LRRC4C: variants seen among roughly 807,000 people sequenced by gnomAD.
The protein encoded by LRRC4C is leucine rich repeat containing 4C, also known as leucine-rich repeat-containing protein 4C.
A neutral mutation model predicts 33.6 loss-of-function variants in LRRC4C; 5 were observed. The ratio of observed to expected loss-of-function variants is 0.15; its 90% confidence interval spans 0.08 to 0.31. The LOEUF is 0.31. Ranked by LOEUF, LRRC4C falls within the 10% of genes least tolerant of loss-of-function variation. LRRC4C has a pLI of 1.00. For missense variants in LRRC4C, 560 were observed against 796.7 expected (o/e 0.70, Z 3.58); for synonymous variants, 329 against 302.0 (o/e 1.09, Z -0.93).
intron 2 of LRRC4C, among the ~76,000 whole-genome samples, chr11:40,795,387 A>G (rs1199763569): frequency 6.6e-6 from 1 of 151,980 alleles, no homozygotes; most frequent in African/African-American, 2.4e-5. Context: ...AAAATTAGCC[A>G]GGCGTGGTGG....
At chr11:40,786,114 G>A (rs761705159) in intron 2 of LRRC4C, among the ~76,000 whole-genome samples, 2 of 152,292 alleles carry the variant, frequency 1.3e-5, no homozygotes, top group Non-Finnish European at 2.9e-5. Context: ...AGCTCTGGAA[G>A]CTTCTATGCT....
chr11:40,911,958 CAAATGAATG>C (rs1956718232), intron 2 of LRRC4C, among the ~76,000 whole-genome samples: 1 of 151,920 alleles, frequency 6.6e-6, no homozygotes, highest in Admixed American at 6.6e-5. Context: ...GATGGAAGAT[CAAATGAATG>C]AAATGAAGTG....
At chr11:40,403,266 G>A (rs1949831105) in intron 3 of LRRC4C, among the ~76,000 whole-genome samples, 1 of 152,120 alleles carries the variant, frequency 6.6e-6, no homozygotes, top group African/African-American at 2.4e-5. Context: ...TGGCCCCACA[G>A]CAACTGATAT....
intron 3 of LRRC4C, among the ~76,000 whole-genome samples, chr11:40,546,070 CTT>C (rs1565492007): frequency 7.8e-6 from 1 of 128,958 alleles, no homozygotes; most frequent in Non-Finnish European, 1.6e-5. Context: ...TCCTTCCTTC[CTT>C]CCTTCCTTCC....
chr11:41,096,102 C>A (rs1323110510), intron 1 of LRRC4C, among the ~76,000 whole-genome samples: 1 of 152,088 alleles, frequency 6.6e-6, no homozygotes, highest in Non-Finnish European at 1.5e-5. Flanking sequence ...TGATGGAATT[C>A]ATGTTCTAGA....
At chr11:40,371,746 G>T (rs1211233102) in intron 3 of LRRC4C, among the ~76,000 whole-genome samples, 1 of 152,162 alleles carries the variant, frequency 6.6e-6, no homozygotes. Flanking sequence ...TATAATAAGT[G>T]CTAGGATAGA....
At chr11:41,075,050 T>TAATG in intron 1 of LRRC4C, among the ~76,000 whole-genome samples, 2 of 42,628 alleles carry the variant, frequency 4.7e-5, no homozygotes, top group Admixed American at 3.4e-4. Context: ...TTTAATGTTT[T>TAATG]TTTTTTTTTT....
chr11:41,101,405 T>C lies in LRRC4C; in HGVS notation c.-495-167682A>G, dbSNP rs1444511537. 2.6e-5 allele frequency among the ~76,000 whole-genome samples: 4 copies of C among 152,100 alleles called. No individual in the cohort carries two copies. The South Asian group carries it at 6.2e-4, about 24-fold the overall frequency. ...AACAAGCGTATGAAAAAAAGCTCAG[T>C]ATCACTGATCATCAGAGAAAGGCAA... On this transcript the variant is annotated intron_variant, in intron 1 of 6. Coordinates refer to ENST00000528697, the MANE Select transcript of LRRC4C (RefSeq NM_001258419.2).
At chr11:40,548,620 G>C (rs986568858) in intron 3 of LRRC4C, among the ~76,000 whole-genome samples, 1 of 152,078 alleles carries the variant, frequency 6.6e-6, no homozygotes, top group East Asian at 1.9e-4. Context: ...CTAGGAAGTG[G>C]TTACAGGCAC....
chr11:40,480,629 T>A (rs1253242167), intron 3 of LRRC4C, among the ~76,000 whole-genome samples: 1 of 151,660 alleles, frequency 6.6e-6, no homozygotes, highest in Admixed American at 6.6e-5. Context: ...AAAATAAACA[T>A]CAAAAAAGAA....
chr11:40,318,093 A>G (rs544599180), intron 4 of LRRC4C, among the ~76,000 whole-genome samples: 2 of 152,282 alleles, frequency 1.3e-5, no homozygotes, highest in South Asian at 2.1e-4. Flanking sequence ...ATAATAATCA[A>G]TTTCCAAACA....
chr11:41,036,013 G>A lies in LRRC4C; in HGVS notation c.-495-102290C>T, dbSNP rs188960422. 3.1e-3 allele frequency among the ~76,000 whole-genome samples: 465 copies of A among 151,960 alleles called. 5 individuals are homozygous for A. The highest frequency in any genetic ancestry group is 2.4e-3 in the Non-Finnish European group (166 of 67,956). On this transcript the variant is annotated intron_variant, in intron 1 of 6. Transcript: ENST00000528697. ...GAAATGTAACTATACAAACTCCTTGGAATTTACGTTTAGGAGAAATTGGCT... is the reference window on the plus strand; with the variant it reads ...GAAATGTAACTATACAAACTCCTTGAAATTTACGTTTAGGAGAAATTGGCT...
At chr11:40,254,902 G>C (rs1011141405) in intron 4 of LRRC4C, among the ~76,000 whole-genome samples, 2 of 152,126 alleles carry the variant, frequency 1.3e-5, no homozygotes, top group African/African-American at 4.8e-5. Flanking sequence ...TAGAACTCCT[G>C]GGCTCAAGCA....
chr11:41,085,739 A>G (rs1167430131), intron 1 of LRRC4C, among the ~76,000 whole-genome samples: 1 of 152,078 alleles, frequency 6.6e-6, no homozygotes, highest in Admixed American at 6.6e-5. Context: ...TATCAGTTCA[A>G]GAGATTGTAA....
intron 5 of LRRC4C, among the ~76,000 whole-genome samples, chr11:40,173,489 A>G (rs1246461831): frequency 6.6e-6 from 1 of 152,246 alleles, no homozygotes; most frequent in Non-Finnish European, 1.5e-5. Context: ...AGCTTAAAAG[A>G]TAATGAACAC....
At chr11:40,364,931 C>A (rs1349847585) in intron 3 of LRRC4C, among the ~76,000 whole-genome samples, 1 of 151,008 alleles carries the variant, frequency 6.6e-6, no homozygotes, top group East Asian at 1.9e-4. Flanking sequence ...TAAAAAAAAA[C>A]CTGTTAACCT....
intron 4 of LRRC4C, among the ~76,000 whole-genome samples, chr11:40,312,176 GC>G (rs1555015136): frequency 6.6e-6 from 1 of 152,064 alleles, no homozygotes; most frequent in Non-Finnish European, 1.5e-5. Context: ...CTTCTGAGTT[GC>G]GTGAAACTCT....
chr11:41,395,312 C>A (rs1953765234), intron 1 of LRRC4C, among the ~76,000 whole-genome samples: 1 of 151,880 alleles, frequency 6.6e-6, no homozygotes, highest in Admixed American at 6.6e-5. Context: ...CAAATTTGAG[C>A]AATAAGCTCT....
At chr11:40,133,766 A>G (rs2134853551) in intron 6 of LRRC4C, among the ~76,000 whole-genome samples, 1 of 152,296 alleles carries the variant, frequency 6.6e-6, no homozygotes, top group Non-Finnish European at 1.5e-5. Context: ...TTGAGCAATC[A>G]GTGAAAGGTA....
Sources: allele counts gnomAD v4.1 joint callset (sites outside exome capture counted in the v4.1 genomes callset), GRCh38; gene constraint gnomAD v4.1.1; transcripts MANE v1.5; gene names NCBI Gene and HGNC (gene_info 2026-07-23, HGNC 2026-07-21).